ZNF469: variants seen among roughly 807,000 people sequenced by gnomAD.
The protein encoded by ZNF469 is zinc finger protein 469.
Under a neutral mutation model 1.0 loss-of-function variants are expected in ZNF469, and 1 was observed. That is an observed-to-expected ratio of 1.00 (90% CI 0.35 to 4.73). The LOEUF (loss-of-function observed/expected upper bound fraction) is 4.73, where lower values mean the gene tolerates loss of function less well. Ranked by LOEUF, ZNF469 falls within the 30% of genes most tolerant of loss-of-function variation. The probability of loss-of-function intolerance (pLI) is 0.16; values close to 1 mark genes in which losing one functional copy is unlikely to be tolerated. For missense variants in ZNF469, 6,100 were observed against 5,356.3 expected (o/e 1.14, Z -4.33); for synonymous variants, 2,703 against 2,363.4 (o/e 1.14, Z -4.17).
At chr16:88,258,726 T>C in the ZNF469 span, among the ~76,000 whole-genome samples, 29 of 152,172 alleles carry the variant, frequency 1.9e-4, no homozygotes, top group South Asian at 6.0e-3. Flanking sequence ...CGGATGACAT[T>C]TTAGAGGGTT....
chr16:88,174,315 A>C, the ZNF469 span, among the ~76,000 whole-genome samples: 2 of 152,268 alleles, frequency 1.3e-5, no homozygotes, highest in African/African-American at 4.8e-5. Context: ...CTAAATATGT[A>C]CATTCTTAAT....
In ZNF469 at chr16:88,437,661, GCACA is replaced by G. The variant is rs1428256639; in HGVS notation, c.10193_10196del (p.His3398ArgfsTer39). ...GGCTGCTGGAGCGGCCGGAGCTGCA[GCACA>G]CGCCGCTGTATGCCTGCGAGCTCTG... is the stretch of plus-strand genomic sequence containing the variant. On this transcript the variant is annotated frameshift_variant, in exon 3 of 3. Coordinates refer to ENST00000565624, the MANE Select transcript of ZNF469 (RefSeq NM_001367624.2). LOFTEE classifies it low-confidence loss of function (END_TRUNC). 1 of 1,547,568 alleles carries G rather than the reference GCACA, an allele frequency of 6.5e-7. No individual in the cohort carries two copies. The highest frequency in any genetic ancestry group is 1.4e-5 in the African/African-American group (1 of 72,950).
chr16:88,331,942 A>G, the ZNF469 span, among the ~76,000 whole-genome samples: 1 of 152,196 alleles, frequency 6.6e-6, no homozygotes, highest in East Asian at 1.9e-4. Context: ...CCCCCTCCTC[A>G]TTCACAGGAA....
chr16:88,246,751 G>A, the ZNF469 span, among the ~76,000 whole-genome samples: 1 of 152,240 alleles, frequency 6.6e-6, no homozygotes, highest in Admixed American at 6.5e-5. Context: ...GTGAGTGAGT[G>A]AGTGAATGAG....
At chr16:88,150,296 C>T in the ZNF469 span, among the ~76,000 whole-genome samples, 1 of 152,036 alleles carries the variant, frequency 6.6e-6, no homozygotes. Context: ...GGTGACAGGG[C>T]GAGACTCCAT....
the ZNF469 span, among the ~76,000 whole-genome samples, chr16:88,222,783 G>C: frequency 2.0e-5 from 3 of 151,732 alleles, no homozygotes; most frequent in Admixed American, 1.3e-4. Flanking sequence ...AAACATTCTA[G>C]AGACATGCTC....
chr16:88,183,968 T>G, the ZNF469 span, among the ~76,000 whole-genome samples: 1 of 151,820 alleles, frequency 6.6e-6, no homozygotes, highest in Non-Finnish European at 1.5e-5. Flanking sequence ...GGCTCTTCCT[T>G]GCCACCCCAG....
At chr16:88,415,817 G>T (rs766509199) in intron 1 of ZNF469, among the ~76,000 whole-genome samples, 2 of 152,196 alleles carry the variant, frequency 1.3e-5, no homozygotes, top group Non-Finnish European at 2.9e-5. Context: ...CCCAAGCCCC[G>T]CATGATCATT....
the ZNF469 span, among the ~76,000 whole-genome samples, chr16:88,266,038 G>T: frequency 6.6e-6 from 1 of 152,250 alleles, no homozygotes; most frequent in African/African-American, 2.4e-5. Flanking sequence ...ACCCCTAAGT[G>T]CCAGGCTTCC....
the ZNF469 span, among the ~76,000 whole-genome samples, chr16:88,229,689 CGT>C: frequency 6.6e-6 from 1 of 150,924 alleles, no homozygotes. Flanking sequence ...TGATGCCATA[CGT>C]GTGGATGTCA....
chr16:88,206,347 G>A, the ZNF469 span, among the ~76,000 whole-genome samples: 35 of 152,340 alleles, frequency 2.3e-4, 1 homozygote, highest in African/African-American at 8.4e-4. Context: ...GCAGGAGGCT[G>A]TGGGTCTGGG....
At chr16:88,353,402 G>A in the ZNF469 span, among the ~76,000 whole-genome samples, 2 of 152,134 alleles carry the variant, frequency 1.3e-5, no homozygotes, top group Non-Finnish European at 2.9e-5. Flanking sequence ...CTGTGACCCG[G>A]CGCCCACCTC....
chr16:88,143,136 G>A, the ZNF469 span, among the ~76,000 whole-genome samples: 1 of 152,140 alleles, frequency 6.6e-6, no homozygotes, highest in African/African-American at 2.4e-5. Flanking sequence ...AGCCCTGGGG[G>A]GGTGGGGGGC....
the ZNF469 span, among the ~76,000 whole-genome samples, chr16:88,226,428 G>A: frequency 6.6e-6 from 1 of 152,052 alleles, no homozygotes. Flanking sequence ...AGGATCGTCA[G>A]GGCCTCCCAC....
In ZNF469 at chr16:88,437,577, G is replaced by T. The variant is rs1431784622; in HGVS notation, c.10107G>T (p.Arg3369=). 6.5e-7 allele frequency: 1 copy of T among 1,536,266 alleles called. No individual in the cohort carries two copies. Among genetic ancestry groups the T allele is most frequent in the Admixed American group, 2.0e-5 (1 of 50,590 alleles). The part of the protein sequence containing the change: ...HSPQRVYLCP[R]CPRVYPEHGE... ...CGCAGCGCGTCTACCTGTGCCCCCGGTGCCCCCGGGTCTACCCCGAGCACG... is the reference window on the plus strand; with the variant it reads ...CGCAGCGCGTCTACCTGTGCCCCCGTTGCCCCCGGGTCTACCCCGAGCACG... Residue 3369 remains arginine (R), a synonymous_variant, in exon 3 of 3, where the codon CGG becomes CGT. Transcript: ENST00000565624.
At chr16:88,214,706 A>G in the ZNF469 span, among the ~76,000 whole-genome samples, 109 of 152,058 alleles carry the variant, frequency 7.2e-4, no homozygotes, top group Middle Eastern at 3.4e-3. Context: ...CCCTGTGTCC[A>G]TGCATTCTCA....
the ZNF469 span, among the ~76,000 whole-genome samples, chr16:88,307,533 C>G: frequency 6.6e-6 from 1 of 152,198 alleles, no homozygotes; most frequent in Non-Finnish European, 1.5e-5. Flanking sequence ...TGGTGACAGC[C>G]AAGCTCCTGG....
chr16:88,311,585 C>A, the ZNF469 span, among the ~76,000 whole-genome samples: 1 of 152,090 alleles, frequency 6.6e-6, no homozygotes, highest in Admixed American at 6.5e-5. Flanking sequence ...GGTGGCCTGC[C>A]CTCCGTCAGT....
the ZNF469 span, among the ~76,000 whole-genome samples, chr16:88,260,766 A>G: frequency 2.0e-5 from 3 of 152,116 alleles, no homozygotes; most frequent in Non-Finnish European, 4.4e-5. This position sits in a 1 kb window ranked among gnomAD's most constrained non-coding sequence, Gnocchi z 4.1. Flanking sequence ...CTTTACACAG[A>G]AAAAAAGGGT....
Sources: gnomAD v4.1 joint callset for allele counts (sites outside exome capture counted in the v4.1 genomes callset) on GRCh38, gnomAD v4.1.1 for gene constraint, Gnocchi (gnomAD v3.1) non-coding constraint, MANE v1.5 for transcripts, NCBI Gene and HGNC (gene_info 2026-07-23, HGNC 2026-07-21) for gene names.